The following SOX5 variants were observed in gnomAD, a reference collection of about 807,000 sequenced individuals.
SOX5 encodes the protein SRY-box transcription factor 5.
Under a neutral mutation model 92.0 loss-of-function variants are expected in SOX5, and 9 were observed. That is an observed-to-expected ratio of 0.10 (90% CI 0.06 to 0.17). The LOEUF (loss-of-function observed/expected upper bound fraction) is 0.17, where lower values mean the gene tolerates loss of function less well. Among genes scored for constraint, SOX5 ranks in the 10% least tolerant of loss-of-function variants. The pLI is 1.00. For synonymous variants in SOX5, 344 were observed against 336.3 expected, an observed-to-expected ratio of 1.02 and a Z score of -0.25; for missense variants, 642 against 944.5, an observed-to-expected ratio of 0.68 and a Z score of 4.20.
At chr12:24,475,888 G>A (rs1466795313) in intron 1 of SOX5, among the ~76,000 whole-genome samples, 2 of 151,950 alleles carry the variant, frequency 1.3e-5, no homozygotes, top group African/African-American at 2.4e-5. Context: ...AAGCTGAGGC[G>A]GGAAGATCGC....
chr12:24,221,133 A>G (rs1166702048), intron 3 of SOX5, among the ~76,000 whole-genome samples: 2 of 152,062 alleles, frequency 1.3e-5, no homozygotes, highest in Non-Finnish European at 2.9e-5. Context: ...AACCTCTTCA[A>G]ACTATGCCTG....
chr12:23,575,198 T>G (rs768923050), intron 10 of SOX5, among the ~76,000 whole-genome samples: 5 of 152,180 alleles, frequency 3.3e-5, no homozygotes, highest in African/African-American at 4.8e-5. Flanking sequence ...TACTTTGGTG[T>G]TTGCAAGTAA....
At chr12:24,089,028 A>G (rs1944337398) in intron 4 of SOX5, among the ~76,000 whole-genome samples, 1 of 152,090 alleles carries the variant, frequency 6.6e-6, no homozygotes, top group South Asian at 2.1e-4. Flanking sequence ...GTTAAAGAGA[A>G]TTTAGATAAC....
intron 6 of SOX5, among the ~76,000 whole-genome samples, chr12:23,707,655 A>G (rs2091568477): frequency 6.6e-6 from 1 of 152,168 alleles, no homozygotes; most frequent in Non-Finnish European, 1.5e-5. Flanking sequence ...GACTTCTTTT[A>G]TAAACCTAAA....
intron 5 of SOX5, chr12:23,738,256 G>A (rs892260297): frequency 2.0e-5 from 3 of 152,220 alleles, no homozygotes; most frequent in African/African-American, 7.2e-5. Context: ...TCTACACTCA[G>A]TAGGGAGTGC....
intron 4 of SOX5, among the ~76,000 whole-genome samples, chr12:23,987,043 A>T (rs1051189861): frequency 6.6e-6 from 1 of 152,222 alleles, no homozygotes; most frequent in African/African-American, 2.4e-5. Context: ...CTTGCTATAC[A>T]TTTAAAAGAC....
intron 4 of SOX5, among the ~76,000 whole-genome samples, chr12:24,126,443 C>T (rs1011795665): frequency 1.3e-5 from 2 of 152,162 alleles, no homozygotes; most frequent in Non-Finnish European, 2.9e-5. Flanking sequence ...GGATAGCACC[C>T]TTATTCCTCT....
intron 8 of SOX5, among the ~76,000 whole-genome samples, chr12:23,629,140 A>T (rs141268413): frequency 2.4e-4 from 36 of 152,142 alleles, no homozygotes; most frequent in African/African-American, 8.4e-4. Flanking sequence ...ATAGCTTTCC[A>T]CAAAAGAATT....
intron 3 of SOX5, among the ~76,000 whole-genome samples, chr12:23,785,563 T>C (rs1057403400): frequency 6.6e-6 from 1 of 152,174 alleles, no homozygotes; most frequent in Non-Finnish European, 1.5e-5. Flanking sequence ...AAAGAATGCA[T>C]GAACAAAATA....
At chr12:24,399,530 T>C (rs764911771) in intron 1 of SOX5, among the ~76,000 whole-genome samples, 6 of 152,186 alleles carry the variant, frequency 3.9e-5, no homozygotes, top group Non-Finnish European at 8.8e-5. Flanking sequence ...GAGTACAAAT[T>C]TTCTAGAAGC....
chr12:24,156,330 G>C (rs1423919962), intron 4 of SOX5, among the ~76,000 whole-genome samples: 1 of 152,104 alleles, frequency 6.6e-6, no homozygotes, highest in Admixed American at 6.6e-5. Flanking sequence ...TCCCTGTCCT[G>C]CCGCCCCCAC....
intron 2 of SOX5, among the ~76,000 whole-genome samples, chr12:24,295,171 T>C (rs1348579542): frequency 6.6e-6 from 1 of 152,106 alleles, no homozygotes; most frequent in Non-Finnish European, 1.5e-5. Flanking sequence ...TAAGTATATA[T>C]GAGTAAACAT....
At chr12:24,405,232 T>C (rs898960347) in intron 1 of SOX5, among the ~76,000 whole-genome samples, 38 of 152,208 alleles carry the variant, frequency 2.5e-4, no homozygotes, top group Admixed American at 2.6e-4. Flanking sequence ...TGCGGTGCCA[T>C]TTTTAGGATT....
intron 6 of SOX5, among the ~76,000 whole-genome samples, chr12:23,706,658 GT>G (rs1400778218): frequency 2.0e-5 from 3 of 151,918 alleles, no homozygotes; most frequent in African/African-American, 7.2e-5. Flanking sequence ...AAAATTTTAA[GT>G]TAAAACACAT....
chr12:23,762,629 T>G, intron 3 of SOX5: 1 of 516,230 alleles, frequency 1.9e-6, no homozygotes, highest in Non-Finnish European at 3.4e-6. Flanking sequence ...AAAAAAAGTC[T>G]TTGGCTGACT....
At chr12:23,964,358 A>T (rs1415721017) in intron 4 of SOX5, among the ~76,000 whole-genome samples, 1 of 152,188 alleles carries the variant, frequency 6.6e-6, no homozygotes, top group Non-Finnish European at 1.5e-5. Flanking sequence ...TATTCCTTAG[A>T]AAAAGCTGCT....
chr12:24,291,711 ATAGT>A (rs1480505540), intron 2 of SOX5, among the ~76,000 whole-genome samples: 2 of 152,240 alleles, frequency 1.3e-5, no homozygotes, highest in African/African-American at 4.8e-5. Flanking sequence ...GTATGGTTTG[ATAGT>A]TAATACTTGG....
chr12:23,661,987 A>C (rs2083116446), intron 7 of SOX5, among the ~76,000 whole-genome samples: 1 of 152,188 alleles, frequency 6.6e-6, no homozygotes, highest in African/African-American at 2.4e-5. Flanking sequence ...TGACAGTTTT[A>C]ATAGAACTGA....
In SOX5 at chr12:23,532,398, C is replaced by T. The variant is rs895925090; in HGVS notation, c.*1821G>A. On this transcript the variant is annotated 3_prime_UTR_variant, in exon 15 of 15. Coordinates refer to ENST00000451604, the MANE Select transcript of SOX5 (RefSeq NM_006940.6). ...GATGACTGGAGTGAAAACTATAGCACATCAAGCTACTAGTTGCAGTATTTA... is the reference window on the plus strand; with the variant it reads ...GATGACTGGAGTGAAAACTATAGCATATCAAGCTACTAGTTGCAGTATTTA... 2.6e-5 allele frequency: 4 copies of T among 152,142 alleles called. No individual in the cohort carries two copies. Among genetic ancestry groups the T allele is most frequent in the Admixed American group, 6.5e-5 (1 of 15,274 alleles). The allele number at this position is 152,142 out of a possible 1,614,324, so 9.4% of individuals were successfully genotyped here. A position where few individuals can be genotyped will look rare whatever the true frequency, so the allele number is the denominator to read the frequency against.
Sources: gnomAD v4.1 joint callset for allele counts (sites outside exome capture counted in the v4.1 genomes callset) on GRCh38, gnomAD v4.1.1 for gene constraint, MANE v1.5 for transcripts, NCBI Gene and HGNC (gene_info 2026-07-23, HGNC 2026-07-21) for gene names.